Variants in PIK3C2G observed in about 807,000 individuals in gnomAD.
PIK3C2G encodes phosphatidylinositol-4-phosphate 3-kinase catalytic subunit type 2 gamma.
PIK3C2G carries 168 observed loss-of-function variants against 181.1 expected under a neutral mutation model. That is an observed-to-expected ratio of 0.93 (90% CI 0.82 to 1.05). PIK3C2G has a LOEUF of 1.05. PIK3C2G is among the 50% of genes least tolerant of loss of function. The pLI is 0.00. For synonymous variants in PIK3C2G, 573 were observed against 592.2 expected, an observed-to-expected ratio of 0.97 and a Z score of 0.47; for missense variants, 1,869 against 1,732.8, an observed-to-expected ratio of 1.08 and a Z score of -1.40.
chr12:18,352,393 T>C (rs762666874), intron 11 of PIK3C2G, among the ~76,000 whole-genome samples: 2 of 152,154 alleles, frequency 1.3e-5, no homozygotes, highest in Non-Finnish European at 2.9e-5. Context: ...AGCCTACAGC[T>C]CTCAACCCCT....
intron 1 of PIK3C2G, among the ~76,000 whole-genome samples, chr12:18,268,810 C>A (rs1460434602): frequency 6.6e-6 from 1 of 152,192 alleles, no homozygotes; most frequent in Non-Finnish European, 1.5e-5. Context: ...GTTTTACCTA[C>A]ATTTGCCTTC....
chr12:18,688,101 T>C, the PIK3C2G span: 1 of 1,611,180 alleles, frequency 6.2e-7, no homozygotes, highest in South Asian at 1.1e-5. Context: ...TTTTTTTTAA[T>C]TACACGAGTC....
intron 1 of PIK3C2G, among the ~76,000 whole-genome samples, chr12:18,265,169 C>CT (rs1244149003): frequency 6.6e-6 from 1 of 152,136 alleles, no homozygotes; most frequent in Non-Finnish European, 1.5e-5. Context: ...GCAAATTTTT[C>CT]TTTAATCTGT....
At chr12:18,318,370 G>T (rs1052770653) in intron 6 of PIK3C2G, among the ~76,000 whole-genome samples, 2 of 151,986 alleles carry the variant, frequency 1.3e-5, no homozygotes, top group South Asian at 4.1e-4. Context: ...ATCAACTTGT[G>T]TCTCATCTTC....
At chr12:18,370,037 T>A (rs1187883940) in intron 12 of PIK3C2G, among the ~76,000 whole-genome samples, 3 of 150,844 alleles carry the variant, frequency 2.0e-5, no homozygotes, top group African/African-American at 7.3e-5. Flanking sequence ...TGACATATGA[T>A]CATATAACGA....
At chr12:18,543,566 A>T (rs1042295909) in intron 25 of PIK3C2G, among the ~76,000 whole-genome samples, 1 of 151,954 alleles carries the variant, frequency 6.6e-6, no homozygotes, top group Non-Finnish European at 1.5e-5. Flanking sequence ...TGATTTTTAT[A>T]TATGGTGTAA....
chr12:18,705,777 A>C, the PIK3C2G span, among the ~76,000 whole-genome samples: 1 of 151,978 alleles, frequency 6.6e-6, no homozygotes, highest in Non-Finnish European at 1.5e-5. Flanking sequence ...AAGGCAGGAG[A>C]ATCACTTGAA....
chr12:18,688,848 T>G, the PIK3C2G span, among the ~76,000 whole-genome samples: 1 of 152,006 alleles, frequency 6.6e-6, no homozygotes, highest in Non-Finnish European at 1.5e-5. Context: ...GGCTAAGAGA[T>G]AGAAGATATA....
chr12:18,624,916 CCTCT>C (rs1395382219), intron 31 of PIK3C2G, among the ~76,000 whole-genome samples: 4 of 151,226 alleles, frequency 2.6e-5, no homozygotes, highest in African/African-American at 9.7e-5. Context: ...TAATTTGAGT[CCTCT>C]CTTTTTCTCC....
intron 12 of PIK3C2G, among the ~76,000 whole-genome samples, chr12:18,366,047 C>T (rs1404040843): frequency 6.6e-6 from 1 of 152,186 alleles, no homozygotes; most frequent in East Asian, 1.9e-4. Context: ...ATAATGGTCT[C>T]CCTACTTCTC....
intron 1 of PIK3C2G, among the ~76,000 whole-genome samples, chr12:18,268,664 T>C (rs1369094507): frequency 2.0e-5 from 3 of 152,176 alleles, no homozygotes; most frequent in African/African-American, 4.8e-5. Flanking sequence ...TTGTTTTAAA[T>C]AGTGAAAATA....
chr12:18,316,565 A>G (rs1308855257), intron 6 of PIK3C2G, among the ~76,000 whole-genome samples: 1 of 152,090 alleles, frequency 6.6e-6, no homozygotes, highest in African/African-American at 2.4e-5. Context: ...TAATTCAGCA[A>G]CTCATAGGCA....
chr12:18,584,966 T>G (rs772761483), intron 29 of PIK3C2G, among the ~76,000 whole-genome samples: 1 of 151,942 alleles, frequency 6.6e-6, no homozygotes, highest in African/African-American at 2.4e-5. Context: ...GAAGGAGAAA[T>G]AAGATCCTTT....
At chr12:18,296,398 A>G (rs1237335248) in intron 5 of PIK3C2G, among the ~76,000 whole-genome samples, 1 of 152,068 alleles carries the variant, frequency 6.6e-6, no homozygotes, top group Non-Finnish European at 1.5e-5. Flanking sequence ...GGTGATGCCT[A>G]TGCTGCCGGT....
intron 13 of PIK3C2G, 104 bp from the exon 14 acceptor site, chr12:18,381,662 A>T (rs1942842466): frequency 8.8e-6 from 6 of 679,776 alleles, no homozygotes; most frequent in Non-Finnish European, 1.6e-5. Context: ...AAGCCCCTGT[A>T]AGAGCGGATT....
the PIK3C2G span, among the ~76,000 whole-genome samples, chr12:18,677,420 C>G: frequency 6.6e-6 from 1 of 152,082 alleles, no homozygotes; most frequent in Non-Finnish European, 1.5e-5. Context: ...GTTCTCAAAT[C>G]TGAGCATGCA....
chr12:18,385,469 C>T (rs568350340), intron 14 of PIK3C2G, among the ~76,000 whole-genome samples: 7 of 152,240 alleles, frequency 4.6e-5, no homozygotes, highest in East Asian at 1.9e-4. Context: ...TGCCTCTCCC[C>T]GAATGCAATC....
rs116213298 is a variant in PIK3C2G at position 18,303,064 on chromosome 12, C to T, written c.1034+9049C>T. On this transcript the variant is annotated intron_variant, in intron 5 of 32. Coordinates refer to ENST00000538779, the MANE Select transcript of PIK3C2G (RefSeq NM_001288772.2). Reference sequence around the variant, plus strand: ...AGTAGGCTGTGGTAGATGGGCCTAACCTATGTGATTTAAGTAATTTCTTTT... The same window carrying T: ...AGTAGGCTGTGGTAGATGGGCCTAATCTATGTGATTTAAGTAATTTCTTTT... 1.6e-3 allele frequency among the ~76,000 whole-genome samples: 246 copies of T among 150,218 alleles called. 1 individual carries two copies. Among genetic ancestry groups the T allele is most frequent in the African/African-American group, 5.7e-3 (231 of 40,764 alleles).
intron 18 of PIK3C2G, among the ~76,000 whole-genome samples, chr12:18,475,409 C>CACA (rs1555091222): frequency 6.0e-5 from 9 of 149,078 alleles, no homozygotes; most frequent in African/African-American, 1.2e-4. Context: ...CACACACACA[C>CACA]CATTTTTTTC....
Sources: gnomAD v4.1 joint callset for allele counts (sites outside exome capture counted in the v4.1 genomes callset) on GRCh38, gnomAD v4.1.1 for gene constraint, MANE v1.5 for transcripts, NCBI Gene and HGNC (gene_info 2026-07-23, HGNC 2026-07-21) for gene names.